The following PSMD7 variants were observed in gnomAD, a reference collection of about 807,000 sequenced individuals.
PSMD7 encodes the protein proteasome 26S subunit, non-ATPase 7, also known as 26S proteasome non-ATPase regulatory subunit 7.
PSMD7 carries 13 observed loss-of-function variants against 36.4 expected under a neutral mutation model. That is an observed-to-expected ratio of 0.36 (90% CI 0.23 to 0.57). PSMD7 has a LOEUF of 0.57. PSMD7 is among the 20% of genes least tolerant of loss of function. PSMD7 has a pLI of 0.83. For missense variants in PSMD7, 298 were observed against 393.6 expected (o/e 0.76, Z 2.06); for synonymous variants, 186 against 151.0 (o/e 1.23, Z -1.70).
chr16:74,305,530 G>A lies in PSMD7; in HGVS notation c.772G>A (p.Val258Met). 6.2e-7 allele frequency: 1 copy of A among 1,614,128 alleles called. No individual in the cohort carries two copies. ...AFYLKTNDQM[V>M]VVYLASLIRS... ...TTACCTGAAGACCAATGACCAGATG[G>A]TGGTAGTGTACTTGGCCTCGCTGAT... Residue 258 changes from valine to methionine, a missense_variant, in exon 7 of 7, where the codon GTG becomes ATG. Coordinates refer to ENST00000219313, the MANE Select transcript of PSMD7 (RefSeq NM_002811.5).
chr16:74,300,033 A>C, intron 1 of PSMD7, 82 bp from the exon 2 acceptor site: 1 of 1,201,572 alleles, frequency 8.3e-7, no homozygotes, highest in South Asian at 1.2e-5. Flanking sequence ...TGTGCCATTG[A>C]TATTTCCCAT....
rs979761798 is a variant in PSMD7, at chr16:74,301,283, G to A, written c.259+139G>A. 1.6e-5 allele frequency: 11 copies of A among 672,296 alleles called. No homozygotes were observed. The South Asian group carries it at 2.2e-4, about 13-fold the overall frequency. The allele number at this position is 672,296 out of a possible 1,614,324, so 41.6% of individuals were successfully genotyped here. A position where few individuals can be genotyped will look rare whatever the true frequency, so the allele number is the denominator to read the frequency against. ...AGACTAGTGGTAGTAGAGGAATAAG[G>A]TAGAATACATGAAAAACTAGAGTAG... On this transcript the variant is annotated intron_variant, in intron 3 of 6. Transcript: ENST00000219313.
rs572083769 is a variant in PSMD7 at position 74,302,212 on chromosome 16, G to A, written c.358G>A (p.Val120Ile). 1 of 1,613,538 alleles carries A rather than the reference G, an allele frequency of 6.2e-7. No individual in the cohort carries two copies. The highest frequency in any genetic ancestry group is 8.5e-7 in the Non-Finnish European group (1 of 1,179,766). Residue 120 changes from valine (V) to isoleucine (I), a missense_variant and splice_region_variant, in exon 5 of 7, where the codon GTA (valine) becomes ATA (isoleucine). Transcript: ENST00000219313. ...ELMKRYCPNS[V>I]LVIIDVKPKD... Reference sequence around the variant, plus strand: ...TTGCTAAGATGTGTTTCTCTGCCAGGTATTGGTCATCATTGATGTGAAGCC... The same window carrying A: ...TTGCTAAGATGTGTTTCTCTGCCAGATATTGGTCATCATTGATGTGAAGCC...
intron 6 of PSMD7, chr16:74,305,054 T>G: frequency 1.8e-6 from 1 of 560,778 alleles, no homozygotes; most frequent in Non-Finnish European, 2.8e-6. Context: ...TAGCTCCCTT[T>G]TATAATTGTT....
At chr16:74,305,068 TGAAAAA>T in intron 6 of PSMD7, 1 of 624,638 alleles carries the variant, frequency 1.6e-6, no homozygotes, top group African/African-American at 1.9e-5. Flanking sequence ...AATTGTTTTT[TGAAAAA>T]TGTCCTGTGA....
intron 1 of PSMD7, among the ~76,000 whole-genome samples, chr16:74,297,681 G>T (rs2034124367): frequency 6.6e-6 from 1 of 152,038 alleles, no homozygotes; most frequent in Non-Finnish European, 1.5e-5. Context: ...CCCCAGGGTC[G>T]TATTTATGTT....
intron 2 of PSMD7, chr16:74,300,550 GCTT>G: frequency 3.1e-6 from 1 of 318,962 alleles, no homozygotes; most frequent in Non-Finnish European, 5.9e-6. Flanking sequence ...GTTTAACCAC[GCTT>G]CTTATAGGTA....
rs1236152899 is a variant in PSMD7 at position 74,305,394 on chromosome 16, G to A, written c.636G>A (p.Leu212=). 9.3e-6 allele frequency: 15 copies of A among 1,614,058 alleles called. No individual in the cohort carries two copies. The highest frequency in any genetic ancestry group is 1.3e-5 in the Non-Finnish European group (15 of 1,180,046). The change falls in exon 7 of 7, where the codon CTG becomes CTA. Residue 212 remains leucine (L), a synonymous_variant. Transcript: ENST00000219313. ...NSKLLDIRSY[L]EKVATGKLPI... is the part of the protein sequence containing the mutation. Reference sequence around the variant, plus strand: ...AGCTTCTGGATATCAGGAGCTACCTGGAAAAAGTCGCCACAGGCAAGCTGC... The same window carrying A: ...AGCTTCTGGATATCAGGAGCTACCTAGAAAAAGTCGCCACAGGCAAGCTGC...
intron 4 of PSMD7, 145 bp downstream of exon 4, chr16:74,301,797 G>C: frequency 1.5e-6 from 1 of 650,794 alleles, no homozygotes; most frequent in Non-Finnish European, 2.7e-6. Context: ...GCTCTGTGAA[G>C]TATACTGTGA....
At chr16:74,301,764 A>C in intron 4 of PSMD7, 112 bp downstream of exon 4, 1 of 801,678 alleles carries the variant, frequency 1.2e-6, no homozygotes, top group Non-Finnish European at 2.1e-6. Flanking sequence ...CTTTATCTCC[A>C]TAAACTTCTG....
chr16:74,304,938 A>G (rs974649176), intron 6 of PSMD7, among the ~76,000 whole-genome samples: 4 of 152,230 alleles, frequency 2.6e-5, no homozygotes, highest in African/African-American at 9.6e-5. Context: ...GGAACAGGAA[A>G]GCTGAGAGAG....
intron 4 of PSMD7, 78 bp from the exon 5 acceptor site, chr16:74,302,133 TA>T: frequency 8.9e-7 from 1 of 1,117,372 alleles, no homozygotes; most frequent in South Asian, 1.3e-5. Context: ...ATAGCTTTAG[TA>T]ATTGTGAGAA....
intron 1 of PSMD7, among the ~76,000 whole-genome samples, chr16:74,298,218 A>G (rs2034129046): frequency 6.6e-6 from 1 of 152,058 alleles, no homozygotes; most frequent in African/African-American, 2.4e-5. Flanking sequence ...AGGTAAGGAA[A>G]CATCTCAAAG....
At chr16:74,300,049 A>C (rs1597118182) in intron 1 of PSMD7, 66 bp from the exon 2 acceptor site, 1 of 1,341,072 alleles carries the variant, frequency 7.5e-7, no homozygotes, top group Non-Finnish European at 1.1e-6. Flanking sequence ...CCCATTGAGT[A>C]TCTTATTGTT....
chr16:74,305,202 AG>A, intron 6 of PSMD7, 86 bp from the exon 7 acceptor site: 1 of 1,439,184 alleles, frequency 6.9e-7, no homozygotes, highest in East Asian at 2.3e-5. Context: ...CAACAAAGCT[AG>A]GAATTTTCTT....
intron 2 of PSMD7, chr16:74,300,430 A>C: frequency 1.8e-6 from 1 of 561,336 alleles, no homozygotes; most frequent in Non-Finnish European, 3.2e-6. Flanking sequence ...CTGCCATTAT[A>C]GTGCAAGAGC....
In PSMD7 at chr16:74,305,784, A is replaced by AAATC. The variant is rs1597120431; in HGVS notation, c.*53_*56dup. 1.4e-6 allele frequency: 2 copies of AAATC among 1,405,764 alleles called. No homozygotes were observed. The highest frequency in any genetic ancestry group is 1.8e-6 in the Non-Finnish European group (2 of 1,082,454). 87.1% of individuals were successfully genotyped at this position (1,405,764 alleles called of 1,614,324 possible). On this transcript the variant is annotated 3_prime_UTR_variant, in exon 7 of 7. Coordinates refer to ENST00000219313, the MANE Select transcript of PSMD7 (RefSeq NM_002811.5). ...TTTGTAAATTAAAATCTTACAAACT[A>AAATC]AATCAGTGTGCTGCTAGAGGGTTCT...
chr16:74,301,724 G>A (rs955817348), intron 4 of PSMD7, 72 bp downstream of exon 4: 1 of 1,271,068 alleles, frequency 7.9e-7, no homozygotes, highest in African/African-American at 1.5e-5. Flanking sequence ...AGCATCCTGG[G>A]AAGAATTTGA....
At chr16:74,298,829 A>C (rs2142561461) in intron 1 of PSMD7, among the ~76,000 whole-genome samples, 1 of 152,290 alleles carries the variant, frequency 6.6e-6, no homozygotes, top group Admixed American at 6.5e-5. Context: ...AGCGAAGATC[A>C]CACCACTGGA....
Sources: allele counts gnomAD v4.1 joint callset (sites outside exome capture counted in the v4.1 genomes callset), GRCh38; gene constraint gnomAD v4.1.1; transcripts MANE v1.5; gene names NCBI Gene and HGNC (gene_info 2026-07-23, HGNC 2026-07-21).